Variants in OBSL1 observed in about 807,000 individuals in gnomAD.
OBSL1 encodes the protein obscurin-like protein 1.
OBSL1 carries 160 observed loss-of-function variants against 172.0 expected under a neutral mutation model. That is an observed-to-expected ratio of 0.93 (90% confidence interval 0.82 to 1.06). The LOEUF is 1.06. Among genes scored for constraint, OBSL1 ranks in the 50% least tolerant of loss-of-function variants. The probability of loss-of-function intolerance (pLI) is 0.00; values close to 1 mark genes in which losing one functional copy is unlikely to be tolerated. For missense variants in OBSL1, 2,681 were observed against 2,715.4 expected, an observed-to-expected ratio of 0.99 and a Z score of 0.28; for synonymous variants, 1,200 against 1,196.3, an observed-to-expected ratio of 1.00 and a Z score of -0.06.
chr2:219,566,733 C>G (rs1559151965), intron 5 of OBSL1, 97 bp downstream of exon 5: 2 of 1,360,514 alleles, frequency 1.5e-6, no homozygotes, highest in Non-Finnish European at 2.0e-6. Flanking sequence ...TCTCCTGGCC[C>G]AGATACAAGA....
At chr2:219,549,084 AGAGG>A, downstream of OBSL1, 1 of 1,575,228 alleles carries the variant, frequency 6.3e-7, no homozygotes, top group Non-Finnish European at 8.7e-7. Flanking sequence ...GTGGGATGAG[AGAGG>A]GAGGGCTCAA....
chr2:219,554,450 A>T, intron 15 of OBSL1, 24 bp downstream of exon 15: 1 of 1,610,022 alleles, frequency 6.2e-7, no homozygotes, highest in South Asian at 1.1e-5. Flanking sequence ...GTCAGCAGGC[A>T]GGCTGTGGTC....
In OBSL1 at chr2:219,562,681, G is replaced by T; in HGVS notation, c.2681-7C>A. ...ACGATCCACGAGGAGACGTCTGGAG[G>T]ACAGGGACAGCCACTGCCGGGCATG... On this transcript the variant is annotated splice_polypyrimidine_tract_variant and splice_region_variant and intron_variant, in intron 7 of 20. Coordinates refer to ENST00000404537, the MANE Select transcript of OBSL1 (RefSeq NM_015311.3). 6.5e-7 allele frequency: 1 copy of T among 1,537,918 alleles called. No homozygotes were observed. Among genetic ancestry groups the T allele is most frequent in the South Asian group, 1.2e-5 (1 of 83,846 alleles).
intron 8 of OBSL1, 106 bp downstream of exon 8, chr2:219,562,296 G>A (rs892123118): frequency 7.1e-7 from 1 of 1,402,266 alleles, no homozygotes. Flanking sequence ...TGCACCTGCA[G>A]CCCACACCTC....
chr2:219,570,484 C>T lies in OBSL1; in HGVS notation c.749G>A (p.Cys250Tyr). The change falls in exon 1 of 21, where the codon TGC becomes TAC. Residue 250 changes from cysteine (C) to tyrosine (Y), a missense_variant. Physicochemically the swap from Cys to Tyr is radical, Grantham distance 194 (BLOSUM62 -2). This residue lies in a region of OBSL1 where 706 missense variants were observed against 695.8 expected (regional missense o/e 1.01). Coordinates refer to ENST00000404537, the MANE Select transcript of OBSL1 (RefSeq NM_015311.3). ...APAPVVEPLK[C>Y]APKTFWVNEG... The stretch of plus-strand genomic sequence containing the variant: ...GTTCACCCAGAAGGTCTTAGGCGCG[C>T]ACTTGAGCGGCTCCACCACCGGCGC... 6.2e-7 allele frequency: 1 copy of T among 1,612,476 alleles called. No individual in the cohort carries two copies.
At chr2:219,555,715 G>A (rs1341084429) in intron 14 of OBSL1, 1 of 1,232,118 alleles carries the variant, frequency 8.1e-7, no homozygotes, top group African/African-American at 1.5e-5. Context: ...AAGTGGGTAT[G>A]TGTATCCCTA....
chr2:219,553,750 A>C (rs1307368760), intron 15 of OBSL1, 64 bp from the exon 16 acceptor site: 1 of 1,109,016 alleles, frequency 9.0e-7, no homozygotes, highest in Non-Finnish European at 1.3e-6. Flanking sequence ...TGCAGGGACA[A>C]GGAGGACATA....
Position 219,562,463 on chromosome 2 carries a change from G to A in OBSL1, c.2892C>T (p.Asp964=), listed in dbSNP as rs1696551167. The A allele has an allele frequency of 1.2e-6, 2 of 1,613,908 alleles. No homozygotes were observed. The highest frequency in any genetic ancestry group is 1.1e-5 in the South Asian group (1 of 91,094). The change falls in exon 8 of 21, where the codon GAC becomes GAT. Residue 964 remains aspartate, a synonymous_variant. Transcript: ENST00000404537. ...RLVLPAVQLE[D]SGEYLCEIDD... Reference sequence around the variant, plus strand: ...CAATTTCACACAAGTACTCGCCGGAGTCCTCGAGCTGGACAGCGGGCAGCA... The same window carrying A: ...CAATTTCACACAAGTACTCGCCGGAATCCTCGAGCTGGACAGCGGGCAGCA...
At chr2:219,565,778 G>T (rs1190849192) in intron 5 of OBSL1, among the ~76,000 whole-genome samples, 1 of 152,174 alleles carries the variant, frequency 6.6e-6, no homozygotes, top group Non-Finnish European at 1.5e-5. Flanking sequence ...TGATGTCAGT[G>T]AACTGGGATC....
intron 15 of OBSL1, 31 bp downstream of exon 15, chr2:219,554,443 A>C (rs752292436): frequency 1.9e-6 from 3 of 1,608,970 alleles, no homozygotes; most frequent in Non-Finnish European, 2.5e-6. Context: ...CACACAGGTC[A>C]GCAGGCAGGC....
rs1033168923 is a variant in OBSL1, at chr2:219,567,542, A to C, written c.1568T>G (p.Leu523Trp). The C allele has an allele frequency of 6.2e-7, 1 of 1,612,796 alleles. No individual in the cohort carries two copies. The highest frequency in any genetic ancestry group is 8.5e-7 in the Non-Finnish European group (1 of 1,179,060). ...VKHSPPGPPI[L>W]AEMFKGHKNT... ...CTTGTGGCCCTTGAACATCTCTGCC[A>C]ATATGGGGGGTCCTGGGGGACTGTG... The change falls in exon 4 of 21, where the codon TTG (leucine) becomes TGG (tryptophan). Residue 523 changes from leucine (L) to tryptophan (W), a missense_variant. Leu to Trp is a moderately conservative substitution (Grantham distance 61). Around this residue, in one of 5 missense-constraint regions of OBSL1, gnomAD observed 706 missense variants for 695.8 expected, o/e 1.01. Coordinates refer to ENST00000404537, the MANE Select transcript of OBSL1 (RefSeq NM_015311.3).
chr2:219,551,494 C>T, intron 20 of OBSL1, 35 bp downstream of exon 20: 2 of 1,541,438 alleles, frequency 1.3e-6, no homozygotes, highest in Non-Finnish European at 1.8e-6. Context: ...CAGGCGCCCT[C>T]ACCCTCCTGC....
At chr2:219,555,952 C>G (rs1264219602) in intron 14 of OBSL1, 68 bp downstream of exon 14, 21 of 1,574,644 alleles carry the variant, frequency 1.3e-5, no homozygotes, top group Non-Finnish European at 1.8e-5. Flanking sequence ...GCCTGAGGGA[C>G]TCCAGGACAG....
chr2:219,561,953 C>T lies in OBSL1; in HGVS notation c.2953+449G>A, dbSNP rs539799737. ...AGAGCCGCCGGGTCTTCGGCTTTTT[C>T]AAGAGGACGCATAACTCCGGATTGT... On this transcript the variant is annotated intron_variant, in intron 8 of 20. Transcript: ENST00000404537. 11 of 717,448 alleles carry T rather than the reference C, an allele frequency of 1.5e-5. No individual in the cohort carries two copies. In the South Asian group the frequency reaches 1.6e-4, roughly 11 times the overall value. 44.4% of individuals were successfully genotyped at this position (717,448 alleles called of 1,614,324 possible).
Position 219,557,544 on chromosome 2 carries a change from G to A in OBSL1, c.3865C>T (p.Leu1289=). 1 of 1,553,388 alleles carries A rather than the reference G, an allele frequency of 6.4e-7. No homozygotes were observed. Among genetic ancestry groups the A allele is most frequent in the Non-Finnish European group, 8.7e-7 (1 of 1,148,842 alleles). ...CCTGGCCCGGAGAGGTGCACCACCA[G>A]CTCTAGGTCCCCGCCTGGGGTGCTC... ...VRSTPGGDLE[L]VVHLSGPGGP... Residue 1289 remains leucine (L), a synonymous_variant, in exon 12 of 21, where the codon CTG becomes TTG. Coordinates refer to ENST00000404537, the MANE Select transcript of OBSL1 (RefSeq NM_015311.3).
chr2:219,551,152 T>C, intron 20 of OBSL1: 1 of 1,395,676 alleles, frequency 7.2e-7, no homozygotes, highest in South Asian at 1.6e-5. Context: ...AGAGGCAAGC[T>C]GGGCAGAGGG....
In OBSL1 at chr2:219,554,831, C is replaced by T. The variant is rs12617530; in HGVS notation, c.4610-91G>A. 364,549 of 1,396,694 alleles carry T rather than the reference C, an allele frequency of 0.26. 50,094 individuals carry two copies. The highest frequency in any genetic ancestry group is 0.29 in the Admixed American group (11,689 of 39,804). 86.5% of individuals were successfully genotyped at this position (1,396,694 alleles called of 1,614,324 possible). A position where few individuals can be genotyped will look rare whatever the true frequency, so the allele number is the denominator to read the frequency against. On this transcript the variant is annotated intron_variant, in intron 14 of 20. Coordinates refer to ENST00000404537, the MANE Select transcript of OBSL1 (RefSeq NM_015311.3). ...CCTCATCCCTTGGCCCTGCCTACAC[C>T]CCTGAACACCCAACCTAAGGTCCTG...
downstream of OBSL1, chr2:219,547,511 C>T (rs1695414656): frequency 4.9e-6 from 7 of 1,426,642 alleles, no homozygotes; most frequent in South Asian, 3.5e-5. Flanking sequence ...TCCAGGTTAC[C>T]GCTGCTTCAA....
chr2:219,562,568 C>T lies in OBSL1; in HGVS notation c.2787G>A (p.Val929=), dbSNP rs1158487413. The T allele has an allele frequency of 1.2e-6, 2 of 1,613,350 alleles. No individual in the cohort carries two copies. The highest frequency in any genetic ancestry group is 1.7e-5 in the Admixed American group (1 of 59,934). Residue 929 remains valine (V), a synonymous_variant, in exon 8 of 21, where the codon GTG becomes GTA. Transcript: ENST00000404537. ...CCTCCTCTCCATCCTTGGTCCAGCGCACCTCTGCCCAGGGCCGGCATAGCT... is the reference window on the plus strand; with the variant it reads ...CCTCCTCTCCATCCTTGGTCCAGCGTACCTCTGCCCAGGGCCGGCATAGCT... ...TCELCRPWAE[V]RWTKDGEEVV... is the part of the protein sequence containing the mutation.
Sources: gnomAD v4.1 joint callset for allele counts (sites outside exome capture counted in the v4.1 genomes callset) on GRCh38, gnomAD v4.1.1 for gene constraint, gnomAD v4.1.1 regional missense constraint, MANE v1.5 for transcripts, NCBI Gene and HGNC (gene_info 2026-07-23, HGNC 2026-07-21) for gene names.